The following ZNF91 variants were observed in gnomAD, a reference collection of about 807,000 sequenced individuals.
ZNF91 encodes zinc finger protein 91.
A neutral mutation model predicts 12.6 loss-of-function variants in ZNF91; 7 were observed. That is an observed-to-expected ratio of 0.55 (90% CI 0.31 to 1.04). The LOEUF (loss-of-function observed/expected upper bound fraction) is 1.04, where lower values mean the gene tolerates loss of function less well. Ranked by LOEUF, ZNF91 falls within the 50% of genes least tolerant of loss-of-function variation. The pLI is 0.05. For missense variants in ZNF91, 1,217 were observed against 1,385.4 expected, an observed-to-expected ratio of 0.88 and a Z score of 1.93; for synonymous variants, 453 against 462.6, an observed-to-expected ratio of 0.98 and a Z score of 0.27.
chr19:23,361,240 CCA>C lies in ZNF91; in HGVS notation c.1737_1738del (p.Cys579TrpfsTer5). The C allele has an allele frequency of 6.2e-7, 1 of 1,613,332 alleles. No homozygotes were observed. Among genetic ancestry groups the C allele is most frequent in the Non-Finnish European group, 8.5e-7 (1 of 1,179,760 alleles). On this transcript the variant is annotated frameshift_variant, in exon 4 of 4. Transcript: ENST00000300619. LOFTEE classifies it low-confidence loss of function (END_TRUNC). ...ACTTGAGGAATGATTAAAAGCTTTGCCACATTCTTCACATTTGTAGAGTTTCT... is the reference window on the plus strand; with the variant it reads ...ACTTGAGGAATGATTAAAAGCTTTGCCATTCTTCACATTTGTAGAGTTTCT...
intron 1 of ZNF91, among the ~76,000 whole-genome samples, chr19:23,375,306 C>A (rs1239717250): frequency 6.6e-6 from 1 of 151,968 alleles, no homozygotes; most frequent in Non-Finnish European, 1.5e-5. Flanking sequence ...ACTACAGGTG[C>A]CCACCACCAC....
intron 1 of ZNF91, among the ~76,000 whole-genome samples, chr19:23,392,374 T>G (rs1369043595): frequency 3.2e-5 from 4 of 123,428 alleles, no homozygotes; most frequent in African/African-American, 1.3e-4. Flanking sequence ...CCAGCCTGGG[T>G]GACAAGAGTG....
In ZNF91 at chr19:23,362,088, T is replaced by C. The variant is rs1968812184; in HGVS notation, c.891A>G (p.Glu297=). Residue 297 remains glutamate, a synonymous_variant, in exon 4 of 4, where the codon GAA becomes GAG. Transcript: ENST00000300619. ...IHTGEKPYKC[E]ECGKAFSHSS... ...AATGGCTAAAAGCTTTGCCACATTC[T>C]TCACATTTGTAGGGTTTCTCTCCAG... 6.2e-7 allele frequency: 1 copy of C among 1,613,986 alleles called. No individual in the cohort carries two copies. The highest frequency in any genetic ancestry group is 1.3e-5 in the African/African-American group (1 of 74,946).
At chr19:23,345,310 A>G (rs1183595248) in intron 3 of ZNF91, among the ~76,000 whole-genome samples, 1 of 152,066 alleles carries the variant, frequency 6.6e-6, no homozygotes, top group Non-Finnish European at 1.5e-5. Flanking sequence ...TCATAAAAAA[A>G]CCTACAAACC....
rs558657518 is a variant in ZNF91 at position 23,365,532 on chromosome 19, C to T, written c.254-2807G>A. Among the ~76,000 whole-genome samples, 3 of 150,994 alleles carry T rather than the reference C, an allele frequency of 2.0e-5. No homozygotes were observed. The South Asian group carries it at 6.3e-4, about 32-fold the overall frequency. On this transcript the variant is annotated intron_variant, in intron 3 of 3. Transcript: ENST00000300619. ...TCATAAAACCATATATAAAATAAAG[C>T]TCTCTATTAAATGTAAATACACAGA...
At chr19:23,311,789 C>T (rs1314021725), upstream of ZNF91, among the ~76,000 whole-genome samples, 1 of 151,664 alleles carries the variant, frequency 6.6e-6, no homozygotes, top group Non-Finnish European at 1.5e-5. Flanking sequence ...TGGCTGGGTC[C>T]AACACCTAGG....
At chr19:23,331,799 G>C (rs1199027960) in intron 1 of ZNF91, among the ~76,000 whole-genome samples, 1 of 152,172 alleles carries the variant, frequency 6.6e-6, no homozygotes, top group African/African-American at 2.4e-5. Flanking sequence ...GAGAAGTGGA[G>C]TGGTTAACAC....
intron 1 of ZNF91, among the ~76,000 whole-genome samples, chr19:23,319,099 G>C (rs1967630237): frequency 6.6e-6 from 1 of 152,110 alleles, no homozygotes; most frequent in South Asian, 2.1e-4. Context: ...CCTCATTCTT[G>C]GGCCCTTCAC....
chr19:23,310,972 C>T (rs572046313), upstream of ZNF91, among the ~76,000 whole-genome samples: 1 of 152,340 alleles, frequency 6.6e-6, no homozygotes, highest in Non-Finnish European at 1.5e-5. Flanking sequence ...GGCATTGTGA[C>T]ATATCACCTG....
At chr19:23,363,801 AATG>A (rs1968900703) in intron 3 of ZNF91, among the ~76,000 whole-genome samples, 1 of 152,184 alleles carries the variant, frequency 6.6e-6, no homozygotes, top group South Asian at 2.1e-4. Context: ...AAATCGGAAA[AATG>A]AGGATGAGAA....
chr19:23,335,907 C>T (rs1044481395), downstream of ZNF91, among the ~76,000 whole-genome samples: 3 of 152,168 alleles, frequency 2.0e-5, no homozygotes, highest in Admixed American at 2.0e-4. Context: ...GTCACTCATG[C>T]TGGGAGCCGT....
downstream of ZNF91, chr19:23,338,538 G>A (rs1328620200): frequency 6.6e-6 from 1 of 151,922 alleles, no homozygotes; most frequent in East Asian, 1.9e-4. Flanking sequence ...AAAAACAAGA[G>A]ATTGATATTC....
chr19:23,309,586 T>G lies in ZNF91; in HGVS notation n.17-489A>C, dbSNP rs533220141. ...TTGTCACATATCTCTGGCCCAGAAC[T>G]TAGGTGATGTGACTCTTCTGTTTGC... On this transcript the variant is annotated intron_variant and non_coding_transcript_variant, in intron 1 of 3. Coordinates refer to the ZNF91 transcript ENST00000593292. 5.0e-4 allele frequency among the ~76,000 whole-genome samples: 76 copies of G among 152,012 alleles called. No individual in the cohort carries two copies. In the South Asian group the frequency reaches 0.012, roughly 23 times the overall value.
At chr19:23,307,388 C>G (rs576502887) in exon 3 of ZNF91, 1 of 152,182 alleles carries the variant, frequency 6.6e-6, no homozygotes, top group Non-Finnish European at 1.5e-5. Flanking sequence ...CCCTTCTCTC[C>G]TGCCTGGGCC....
At chr19:23,308,289 A>C (rs1422713846) in intron 2 of ZNF91, 1 of 152,138 alleles carries the variant, frequency 6.6e-6, no homozygotes, top group African/African-American at 2.4e-5. Context: ...AGGAAAGATT[A>C]TAACATATCA....
Position 23,360,705 on chromosome 19 carries a change from A to G in ZNF91, c.2274T>C (p.Thr758=). The change falls in exon 4 of 4, where the codon ACT becomes ACC. Residue 758 remains threonine (T), a synonymous_variant. Coordinates refer to ENST00000300619, the MANE Select transcript of ZNF91 (RefSeq NM_003430.4). ...CTCTAGTATGAATTCTTTTATGTTT[A>G]GTAAGGCTTGAGGACCAGTTAAATG... The part of the protein sequence containing the change: ...GKAFNWSSSL[T]KHKRIHTREK... The G allele has an allele frequency of 1.2e-6, 2 of 1,613,970 alleles. No individual in the cohort carries two copies.
chr19:23,352,464 T>C (rs1384297764), intron 3 of ZNF91, among the ~76,000 whole-genome samples: 1 of 152,068 alleles, frequency 6.6e-6, no homozygotes, highest in Non-Finnish European at 1.5e-5. Flanking sequence ...AACCTGGTAG[T>C]GGTAGACAAA....
rs762553548 is a variant in ZNF91 at position 23,361,278 on chromosome 19, A to G, written c.1701T>C (p.Ile567=). 2 of 1,610,782 alleles carry G rather than the reference A, an allele frequency of 1.2e-6. No homozygotes were observed. The highest frequency in any genetic ancestry group is 1.7e-4 in the Middle Eastern group (1 of 6,028). ...QFSTLTTHKI[I]HAGKKLYKCE... ...ATTTGTAGAGTTTCTTTCCAGCATG[A>G]ATTATTTTATGTGTAGTAAGGGTTG... The change falls in exon 4 of 4, where the codon ATT becomes ATC. Residue 567 remains isoleucine, a synonymous_variant. Transcript: ENST00000300619.
chr19:23,342,254 A>G, intron 3 of ZNF91: 3 of 491,622 alleles, frequency 6.1e-6, no homozygotes, highest in Non-Finnish European at 1.1e-5. Flanking sequence ...TCAGAGTTAG[A>G]GACAGCAAGG....
Sources: gnomAD v4.1 joint callset for allele counts (sites outside exome capture counted in the v4.1 genomes callset) on GRCh38, gnomAD v4.1.1 for gene constraint, MANE v1.5 for transcripts, NCBI Gene and HGNC (gene_info 2026-07-23, HGNC 2026-07-21) for gene names.